The following SMCO2 variants were observed in gnomAD, a reference collection of about 807,000 sequenced individuals.
SMCO2 encodes single-pass membrane and coiled-coil domain-containing protein 2.
SMCO2 carries 25 observed loss-of-function variants against 29.5 expected under a neutral mutation model. The observed-to-expected ratio is 0.85, with a 90% confidence interval of 0.62 to 1.18. The LOEUF (loss-of-function observed/expected upper bound fraction) is 1.18. SMCO2 is among the 50% of genes most tolerant of loss of function. The probability of loss-of-function intolerance (pLI) is 0.00; values close to 1 mark genes in which losing one functional copy is unlikely to be tolerated. For synonymous variants in SMCO2, 117 were observed against 123.3 expected (o/e 0.95, Z 0.34); for missense variants, 348 against 344.5 (o/e 1.01, Z -0.08).
intron 1 of SMCO2, among the ~76,000 whole-genome samples, chr12:27,469,341 C>T (rs1324920855): frequency 6.6e-6 from 1 of 152,168 alleles, no homozygotes. Context: ...CTAGTTCTTT[C>T]CTGATGCTTC....
intron 4 of SMCO2, among the ~76,000 whole-genome samples, chr12:27,484,705 T>C (rs1276902587): frequency 2.6e-5 from 4 of 151,684 alleles, no homozygotes; most frequent in African/African-American, 9.7e-5. Flanking sequence ...ATACAAAAAT[T>C]AGCTGGGTGT....
exon 4 of SMCO2, chr12:27,474,870 G>A: frequency 6.4e-7 from 1 of 1,551,442 alleles, no homozygotes; most frequent in Non-Finnish European, 8.7e-7. Flanking sequence ...GGACCCTCAA[G>A]CGTCTACATC....
At chr12:27,435,015 A>AGCCTGAG in the SMCO2 span, among the ~76,000 whole-genome samples, 2 of 152,160 alleles carry the variant, frequency 1.3e-5, no homozygotes, top group South Asian at 4.2e-4. Flanking sequence ...ATAGCAGGGT[A>AGCCTGAG]AACTGTGCTG....
chr12:27,479,796 A>T (rs997149421), intron 4 of SMCO2, among the ~76,000 whole-genome samples: 1 of 152,160 alleles, frequency 6.6e-6, no homozygotes, highest in Non-Finnish European at 1.5e-5. Context: ...CTCTTCCTTC[A>T]TCTTCCACCA....
At chr12:27,473,517 T>C (rs1277114168) in intron 3 of SMCO2, among the ~76,000 whole-genome samples, 1 of 152,214 alleles carries the variant, frequency 6.6e-6, no homozygotes, top group Admixed American at 6.5e-5. Flanking sequence ...AATAAGATAA[T>C]ATGCATGGGG....
At chr12:27,461,975 TACTA>T (rs1291064129), upstream of SMCO2, among the ~76,000 whole-genome samples, 2 of 152,374 alleles carry the variant, frequency 1.3e-5, no homozygotes, top group African/African-American at 4.8e-5. Flanking sequence ...GTCAGCATGC[TACTA>T]ACTATTGTTG....
the SMCO2 span, among the ~76,000 whole-genome samples, chr12:27,451,784 G>C: frequency 6.6e-6 from 1 of 152,216 alleles, no homozygotes; most frequent in Non-Finnish European, 1.5e-5. Flanking sequence ...TGCAATCTGT[G>C]AATAATGAGG....
chr12:27,447,994 G>A, the SMCO2 span, among the ~76,000 whole-genome samples: 1 of 152,106 alleles, frequency 6.6e-6, no homozygotes, highest in Non-Finnish European at 1.5e-5. Flanking sequence ...TGCAAGCTCC[G>A]CAGGGACAGG....
intron 4 of SMCO2, among the ~76,000 whole-genome samples, chr12:27,479,725 T>C (rs1949624304): frequency 6.6e-6 from 1 of 152,158 alleles, no homozygotes; most frequent in Non-Finnish European, 1.5e-5. Context: ...GATCGTTTTA[T>C]AAAAGGGAGT....
upstream of SMCO2, among the ~76,000 whole-genome samples, chr12:27,466,336 C>T (rs1949498312): frequency 6.6e-6 from 1 of 152,158 alleles, no homozygotes; most frequent in South Asian, 2.1e-4. Context: ...CACTTGAACC[C>T]TGGAAGCGGA....
chr12:27,451,830 G>A, the SMCO2 span, among the ~76,000 whole-genome samples: 1 of 152,152 alleles, frequency 6.6e-6, no homozygotes, highest in Non-Finnish European at 1.5e-5. Flanking sequence ...GCATATTCCT[G>A]GTTCCATGGC....
At chr12:27,459,816 C>A in the SMCO2 span, among the ~76,000 whole-genome samples, 1 of 152,124 alleles carries the variant, frequency 6.6e-6, no homozygotes, top group Non-Finnish European at 1.5e-5. Context: ...ACAGGGCATG[C>A]CTCTCATTTT....
intron 5 of SMCO2, among the ~76,000 whole-genome samples, chr12:27,489,516 G>T (rs1367580940): frequency 6.6e-6 from 1 of 152,108 alleles, no homozygotes; most frequent in East Asian, 1.9e-4. Flanking sequence ...AACTGAAATT[G>T]CCAGCTTCAA....
the SMCO2 span, among the ~76,000 whole-genome samples, chr12:27,448,303 G>T: frequency 6.6e-6 from 1 of 152,148 alleles, no homozygotes; most frequent in South Asian, 2.1e-4. Context: ...AACCCAGAAT[G>T]CTATGTCTGC....
the SMCO2 span, among the ~76,000 whole-genome samples, chr12:27,439,755 G>C: frequency 7.5e-4 from 114 of 152,158 alleles, 1 homozygote; most frequent in African/African-American, 2.7e-3. Context: ...GCAGAGGAAA[G>C]AATCAGTGAG....
At chr12:27,465,371 T>C (rs1276645490), upstream of SMCO2, among the ~76,000 whole-genome samples, 1 of 152,202 alleles carries the variant, frequency 6.6e-6, no homozygotes, top group Admixed American at 6.5e-5. Flanking sequence ...TAAAGAAATA[T>C]GAGGTCACCC....
chr12:27,482,937 G>C (rs951806027), intron 4 of SMCO2, among the ~76,000 whole-genome samples: 10 of 152,160 alleles, frequency 6.6e-5, no homozygotes, highest in Non-Finnish European at 1.2e-4. Context: ...ATGTGGCCCA[G>C]GCTAGCCTTG....
In SMCO2 at chr12:27,487,352, A is replaced by C. The variant is rs115782751; in HGVS notation, c.363-1108A>C. Among the ~76,000 whole-genome samples the C allele has an allele frequency of 7.9e-3, 1,200 of 151,920 alleles. 18 individuals carry two copies. Among genetic ancestry groups the C allele is most frequent in the African/African-American group, 0.027 (1,121 of 41,350 alleles). ...GTCCTTCTGAGATTGGCTTTTTTTC[A>C]CTCAGGATAATTTTTTTGAGGTTTA... On this transcript the variant is annotated intron_variant, in intron 4 of 7. Transcript: ENST00000298876.
the SMCO2 span, among the ~76,000 whole-genome samples, chr12:27,432,887 T>A: frequency 6.6e-6 from 1 of 152,246 alleles, no homozygotes; most frequent in Admixed American, 6.5e-5. Flanking sequence ...ATTCTTTCAC[T>A]GATTAATCCT....
Sources: allele counts gnomAD v4.1 joint callset (sites outside exome capture counted in the v4.1 genomes callset), GRCh38; gene constraint gnomAD v4.1.1; transcripts MANE v1.5; gene names NCBI Gene and HGNC (gene_info 2026-07-23, HGNC 2026-07-21).